EZR: variants seen among roughly 807,000 people sequenced by gnomAD.
EZR encodes ezrin.
EZR carries 40 observed loss-of-function variants against 74.8 expected under a neutral mutation model. That is an observed-to-expected ratio of 0.53 (90% CI 0.42 to 0.70). The LOEUF is 0.70. EZR is among the 30% of genes least tolerant of loss of function. The pLI is 0.00. For missense variants in EZR, 678 were observed against 755.8 expected (o/e 0.90, Z 1.21); for synonymous variants, 341 against 283.3 (o/e 1.20, Z -2.05).
rs1487849669 is a variant in EZR at position 158,766,389 on chromosome 6, G to A, written c.*525C>T. 6.6e-6 allele frequency: 1 copy of A among 152,602 alleles called. No homozygotes were observed. Among genetic ancestry groups the A allele is most frequent in the African/African-American group, 2.4e-5 (1 of 41,398 alleles). 9.5% of individuals were successfully genotyped at this position (152,602 alleles called of 1,614,324 possible). ...GTGCTCTCTGCCAGCTGCGTGGAGT[G>A]ACGGGAGGAGGGAATCACTGTGTGT... is the stretch of plus-strand genomic sequence containing the variant. On this transcript the variant is annotated 3_prime_UTR_variant, in exon 14 of 14. Coordinates refer to ENST00000367075, the MANE Select transcript of EZR (RefSeq NM_001111077.2).
intron 10 of EZR, among the ~76,000 whole-genome samples, chr6:158,770,258 G>C (rs781765531): frequency 6.6e-6 from 1 of 152,214 alleles, no homozygotes; most frequent in Non-Finnish European, 1.5e-5. Flanking sequence ...ACTCCACTCA[G>C]AACACAGAAC....
At position 158,770,910 on chromosome 6, in the gene EZR, AGAGGCACAGG is replaced by A; in HGVS notation, c.960-26_960-17del. On this transcript the variant is annotated splice_polypyrimidine_tract_variant and intron_variant, in intron 9 of 13. Transcript: ENST00000367075. ...CAGCTGTTGCCTGGTGCAGGGAAAA[AGAGGCACAGG>A]GAGATTTAGACTCTGGCAGGAAAGT... is the stretch of plus-strand genomic sequence containing the variant. 6.2e-7 allele frequency: 1 copy of A among 1,614,080 alleles called. No homozygotes were observed. Among genetic ancestry groups the A allele is most frequent in the South Asian group, 1.1e-5 (1 of 91,078 alleles).
rs544519538 is a variant in EZR at position 158,766,781 on chromosome 6, T to C, written c.*133A>G. On this transcript the variant is annotated 3_prime_UTR_variant, in exon 14 of 14. Transcript: ENST00000367075. ...CCTGGTTCCCAGCCCAGAATGTTTC[T>C]GTTGGGTAACTGCTTTCTAAAGGAA... The C allele has an allele frequency of 1.1e-6, 1 of 927,158 alleles. No individual in the cohort carries two copies. Among genetic ancestry groups the C allele is most frequent in the Admixed American group, 2.3e-5 (1 of 43,632 alleles). The allele number at this position is 927,158 out of a possible 1,614,324, so 57.4% of individuals were successfully genotyped here.
At chr6:158,777,395 T>G (rs772009359) in intron 7 of EZR, among the ~76,000 whole-genome samples, 2 of 152,260 alleles carry the variant, frequency 1.3e-5, no homozygotes, top group Non-Finnish European at 2.9e-5. Flanking sequence ...ACCAATGCAA[T>G]GCCATGACTG....
rs1791044556 is a variant in EZR at position 158,769,879 on chromosome 6, C to T, written c.1156G>A (p.Ala386Thr). Residue 386 changes from alanine to threonine, a missense_variant, in exon 11 of 14, where the codon GCC becomes ACC. By Grantham distance (58) the Ala-to-Thr change is moderately conservative. Transcript: ENST00000367075. ...EEERKRAQEE[A>T]ERLEADRMAA... ...ATACGGTCAGCCTCTAGGCGCTCGG[C>T]CTCCTCCTGTGCCCGCTTCCTCTCC... The T allele has an allele frequency of 6.2e-7, 1 of 1,613,574 alleles. No individual in the cohort carries two copies. Among genetic ancestry groups the T allele is most frequent in the Non-Finnish European group, 8.5e-7 (1 of 1,180,026 alleles).
At position 158,783,523 on chromosome 6, in the gene EZR, T is replaced by C. The variant is rs1791486080; in HGVS notation, c.695A>G (p.Asp232Gly). Residue 232 changes from aspartate (D) to glycine (G), a missense_variant, in exon 7 of 14, where the codon GAT becomes GGT. This residue lies in a region of EZR where 119 missense variants were observed against 182.3 expected (regional missense o/e 0.65). Transcript: ENST00000367075. ...ATAACTGTGAACTTCAACTCACTTA[T>C]CATCTTTCTCATAAATATTCAGTCC... ...ALGLNIYEKD[D>G]KLTPKIGFPW... is the part of the protein sequence containing the mutation. 2 of 1,611,950 alleles carry C rather than the reference T, an allele frequency of 1.2e-6. No individual in the cohort carries two copies. The highest frequency in any genetic ancestry group is 1.7e-6 in the Non-Finnish European group (2 of 1,178,826).
chr6:158,775,034 C>CTTTTTT (rs397732491), intron 8 of EZR, among the ~76,000 whole-genome samples: 2 of 121,546 alleles, frequency 1.6e-5, no homozygotes, highest in Non-Finnish European at 3.3e-5. Flanking sequence ...AGCAGGAGCC[C>CTTTTTT]TTTTTTTTTT....
At chr6:158,800,389 C>T (rs1777163579) in intron 2 of EZR, among the ~76,000 whole-genome samples, 1 of 152,200 alleles carries the variant, frequency 6.6e-6, no homozygotes. Flanking sequence ...CAGGGACACA[C>T]ATTTAAGCTC....
chr6:158,800,808 A>T lies in EZR; in HGVS notation c.13-11437T>A, dbSNP rs972151921. ...CAGAGTGAGACTGTCTCAAAAAGAA[A>T]AAAAAATTGTACTAATAAAATAATC... is the stretch of plus-strand genomic sequence containing the variant. On this transcript the variant is annotated intron_variant, in intron 2 of 13. Transcript: ENST00000367075. 2.6e-5 allele frequency among the ~76,000 whole-genome samples: 4 copies of T among 152,200 alleles called. No individual in the cohort carries two copies. The South Asian group carries it at 8.3e-4, about 31-fold the overall frequency.
intron 13 of EZR, 78 bp downstream of exon 13, chr6:158,767,183 C>T (rs375628955): frequency 6.3e-6 from 10 of 1,580,620 alleles, no homozygotes; most frequent in Non-Finnish European, 7.8e-6. Flanking sequence ...GGGGCTGGCT[C>T]ACATCACTGC....
At chr6:158,817,034 G>A (rs908969791) in intron 2 of EZR, among the ~76,000 whole-genome samples, 1 of 152,062 alleles carries the variant, frequency 6.6e-6, no homozygotes, top group African/African-American at 2.4e-5. Flanking sequence ...GCAGTGAGCC[G>A]AGATCATGCC....
At chr6:158,819,175 G>A (rs938634773) in intron 1 of EZR, 142 bp downstream of exon 1, 6 of 152,554 alleles carry the variant, frequency 3.9e-5, no homozygotes, top group Non-Finnish European at 8.8e-5. Context: ...ACCTGCCCCG[G>A]GGGTGCCGGG....
chr6:158,795,421 T>TAAA (rs35321394), intron 2 of EZR, among the ~76,000 whole-genome samples: 2 of 149,252 alleles, frequency 1.3e-5, no homozygotes, highest in African/African-American at 4.9e-5. Flanking sequence ...TTTAAAAACG[T>TAAA]AAAAAAAAAA....
At chr6:158,804,217 ACATT>A (rs1777279189) in intron 2 of EZR, among the ~76,000 whole-genome samples, 1 of 152,016 alleles carries the variant, frequency 6.6e-6, no homozygotes, top group Non-Finnish European at 1.5e-5. Context: ...GAAATAACAT[ACATT>A]GTGTGTTATC....
At chr6:158,803,995 G>T (rs2128574994) in intron 2 of EZR, among the ~76,000 whole-genome samples, 1 of 152,200 alleles carries the variant, frequency 6.6e-6, no homozygotes, top group East Asian at 1.9e-4. Context: ...CTGCATCTGG[G>T]AGGCAGAAAG....
At position 158,784,341 on chromosome 6, in the gene EZR, T is replaced by C. The variant is rs187601495; in HGVS notation, c.551+303A>G. 5.9e-4 allele frequency among the ~76,000 whole-genome samples: 90 copies of C among 152,348 alleles called. 1 individual carries two copies. The highest frequency in any genetic ancestry group is 7.7e-4 in the African/African-American group (32 of 41,582). On this transcript the variant is annotated intron_variant, in intron 6 of 13. Coordinates refer to ENST00000367075, the MANE Select transcript of EZR (RefSeq NM_001111077.2). ...CATCTCTTTGACAGAATAATGCTGA[T>C]TGCAGGTGAACAATGCCCCTCTGAC...
At chr6:158,770,235 G>A (rs1047628985) in intron 10 of EZR, among the ~76,000 whole-genome samples, 3 of 152,248 alleles carry the variant, frequency 2.0e-5, no homozygotes, top group African/African-American at 7.2e-5. Flanking sequence ...CGCCCGCTGT[G>A]CTGGTGGTCC....
chr6:158,777,747 A>G (rs1791318812), intron 7 of EZR, among the ~76,000 whole-genome samples: 1 of 152,180 alleles, frequency 6.6e-6, no homozygotes, highest in South Asian at 2.1e-4. Flanking sequence ...GGCTGAGGGC[A>G]AACATGTAAG....
intron 2 of EZR, among the ~76,000 whole-genome samples, chr6:158,793,564 A>G (rs1791798083): frequency 6.6e-6 from 1 of 152,188 alleles, no homozygotes; most frequent in African/African-American, 2.4e-5. Flanking sequence ...TCATTACCCT[A>G]CTAGTGTTTC....
Sources: allele counts gnomAD v4.1 joint callset (sites outside exome capture counted in the v4.1 genomes callset), GRCh38; gene constraint gnomAD v4.1.1; regional missense constraint gnomAD v4.1.1; transcripts MANE v1.5; gene names NCBI Gene and HGNC (gene_info 2026-07-23, HGNC 2026-07-21).